YWHAQ: variants seen among roughly 807,000 people sequenced by gnomAD.
YWHAQ encodes tyrosine 3-monooxygenase/tryptophan 5-monooxygenase activation protein theta, also known as 14-3-3 protein theta.
Under a neutral mutation model 28.3 loss-of-function variants are expected in YWHAQ, and 6 were observed. The ratio of observed to expected loss-of-function variants is 0.21; its 90% CI spans 0.12 to 0.42. YWHAQ has a LOEUF of 0.42. Among genes scored for constraint, YWHAQ ranks in the 10% least tolerant of loss-of-function variants. The pLI is 1.00. For synonymous variants in YWHAQ, 143 were observed against 119.1 expected (o/e 1.20, Z -1.31); for missense variants, 201 against 305.6 (o/e 0.66, Z 2.55).
At chr2:9,629,165 G>A (rs968421457) in intron 2 of YWHAQ, among the ~76,000 whole-genome samples, 1 of 152,022 alleles carries the variant, frequency 6.6e-6, no homozygotes, top group African/African-American at 2.4e-5. Flanking sequence ...CCTAAAATAT[G>A]ATGTGCACAA....
At chr2:9,617,929 A>AG (rs1667067362) in intron 2 of YWHAQ, among the ~76,000 whole-genome samples, 1 of 151,592 alleles carries the variant, frequency 6.6e-6, no homozygotes, top group African/African-American at 2.4e-5. Flanking sequence ...CCTCTGCCAA[A>AG]AAAAAAAAAA....
Position 9,588,317 on chromosome 2 carries a change from T to G in YWHAQ, c.430A>C (p.Asn144His). 2.5e-6 allele frequency: 4 copies of G among 1,608,716 alleles called. No homozygotes were observed. The East Asian group carries it at 8.9e-5, about 36-fold the overall frequency. The change falls in exon 4 of 6, where the codon AAT (asparagine) becomes CAT (histidine). Residue 144 changes from asparagine (N) to histidine (H), a missense_variant. By Grantham distance (68) the Asn-to-His change is moderately conservative. Coordinates refer to ENST00000238081, the MANE Select transcript of YWHAQ (RefSeq NM_006826.4). The stretch of plus-strand genomic sequence containing the variant: ...GCCTCTTGGTAAGCTCCTTGGGAAT[T>G]ATCTATCGTTTCTGTGAAGAGCGAA... ...CGDDRKQTIDNSQGAYQEAFD... is the reference protein window; with the variant it reads ...CGDDRKQTIDHSQGAYQEAFD...
At chr2:9,591,340 C>T (rs1666451263) in intron 3 of YWHAQ, 52 bp downstream of exon 3, 2 of 1,579,036 alleles carry the variant, frequency 1.3e-6, no homozygotes, top group East Asian at 4.5e-5. Context: ...CCCATTTATC[C>T]CCATTTCTTT....
rs570533349 is a variant in YWHAQ at position 9,585,675 on chromosome 2, A to G, written c.679-330T>C. Among the ~76,000 whole-genome samples the G allele has an allele frequency of 4.6e-5, 7 of 152,320 alleles. No homozygotes were observed. The South Asian group carries it at 1.4e-3, about 32-fold the overall frequency. ...GTAATCTCAGCACGTAGGGAGGCCAAGATGAGAAGATCGCATGAGGCCAGG... is the reference window on the plus strand; with the variant it reads ...GTAATCTCAGCACGTAGGGAGGCCAGGATGAGAAGATCGCATGAGGCCAGG... On this transcript the variant is annotated intron_variant, in intron 5 of 5. Coordinates refer to ENST00000238081, the MANE Select transcript of YWHAQ (RefSeq NM_006826.4).
chr2:9,593,997 ACACG>A (rs1553372635), intron 2 of YWHAQ, among the ~76,000 whole-genome samples: 21 of 150,486 alleles, frequency 1.4e-4, no homozygotes, highest in African/African-American at 2.2e-4. Context: ...ACACACACAC[ACACG>A]CACGCACAAA....
At chr2:9,604,803 G>A (rs1666785141) in intron 2 of YWHAQ, among the ~76,000 whole-genome samples, 1 of 152,146 alleles carries the variant, frequency 6.6e-6, no homozygotes, top group South Asian at 2.1e-4. Flanking sequence ...AAATTCTCCA[G>A]TTTTAAGAAT....
At chr2:9,612,910 C>T (rs1181360995) in intron 2 of YWHAQ, among the ~76,000 whole-genome samples, 2 of 152,204 alleles carry the variant, frequency 1.3e-5, no homozygotes, top group Non-Finnish European at 2.9e-5. Context: ...ACTCAATCTT[C>T]TAGTGGTAAT....
chr2:9,625,744 A>G (rs1667236582), intron 2 of YWHAQ, among the ~76,000 whole-genome samples: 1 of 152,226 alleles, frequency 6.6e-6, no homozygotes, highest in Non-Finnish European at 1.5e-5. Context: ...AATACCTGGT[A>G]AATGTTAATT....
chr2:9,595,060 G>A (rs1412027180), intron 2 of YWHAQ, among the ~76,000 whole-genome samples: 2 of 152,208 alleles, frequency 1.3e-5, no homozygotes, highest in Admixed American at 1.3e-4. Flanking sequence ...CTTTTACAAA[G>A]TGACTTGGGC....
At chr2:9,623,414 A>G (rs1489352831) in intron 2 of YWHAQ, among the ~76,000 whole-genome samples, 1 of 152,246 alleles carries the variant, frequency 6.6e-6, no homozygotes, top group Non-Finnish European at 1.5e-5. Context: ...AAAGCATGCA[A>G]CAACGATCTT....
chr2:9,603,327 T>A (rs976496796), intron 2 of YWHAQ, among the ~76,000 whole-genome samples: 2 of 150,836 alleles, frequency 1.3e-5, no homozygotes, highest in African/African-American at 4.9e-5. Flanking sequence ...TGAAGTGCAG[T>A]GACACGATCT....
At chr2:9,625,232 A>T (rs1227247410) in intron 2 of YWHAQ, among the ~76,000 whole-genome samples, 3 of 150,644 alleles carry the variant, frequency 2.0e-5, no homozygotes, top group Non-Finnish European at 4.4e-5. Context: ...ACTGTACCCC[A>T]GCCTGGGTGG....
intron 2 of YWHAQ, among the ~76,000 whole-genome samples, chr2:9,593,365 C>T (rs1411903450): frequency 1.3e-5 from 2 of 151,648 alleles, no homozygotes; most frequent in Non-Finnish European, 2.9e-5. Context: ...CACACCACCA[C>T]GCCCAGCTTA....
chr2:9,597,983 C>CTTTTTTTTTTT (rs1558543507), intron 2 of YWHAQ, among the ~76,000 whole-genome samples: 3 of 79,086 alleles, frequency 3.8e-5, no homozygotes, highest in African/African-American at 2.5e-4. Flanking sequence ...CCATGCCGGG[C>CTTTTTTTTTTT]TATTTTTTTT....
intron 2 of YWHAQ, among the ~76,000 whole-genome samples, chr2:9,601,368 A>G (rs1187580233): frequency 6.6e-6 from 1 of 152,188 alleles, no homozygotes; most frequent in Non-Finnish European, 1.5e-5. Context: ...AGGCTGAGGC[A>G]GAACTGCTTG....
Position 9,630,460 on chromosome 2 carries a change from G to A in YWHAQ, c.-8C>T. 3 of 1,575,674 alleles carry A rather than the reference G, an allele frequency of 1.9e-6. No homozygotes were observed. The highest frequency in any genetic ancestry group is 2.6e-6 in the Non-Finnish European group (3 of 1,161,784). ...CAGCTCAGTCTTCTCCATGGCGGGC[G>A]CGGGGCCGGGGCCGGGGCGGAGGGC... is the stretch of plus-strand genomic sequence containing the variant. On this transcript the variant is annotated 5_prime_UTR_variant, in exon 2 of 6. Coordinates refer to ENST00000238081, the MANE Select transcript of YWHAQ (RefSeq NM_006826.4). The surrounding 1 kb of genome is among the most constrained non-coding windows in gnomAD (Gnocchi z 5.6).
At chr2:9,586,815 A>G (rs1041215790) in intron 5 of YWHAQ, among the ~76,000 whole-genome samples, 2 of 152,212 alleles carry the variant, frequency 1.3e-5, no homozygotes, top group African/African-American at 4.8e-5. Flanking sequence ...GATTTTACCT[A>G]TCAAATTTAC....
At chr2:9,612,540 A>C (rs566371798) in intron 2 of YWHAQ, among the ~76,000 whole-genome samples, 6 of 152,326 alleles carry the variant, frequency 3.9e-5, no homozygotes, top group Admixed American at 2.6e-4. Flanking sequence ...ACACAAAAGG[A>C]GTTGGGAAGC....
At chr2:9,620,582 GATT>G (rs1387862937) in intron 2 of YWHAQ, 1 of 152,174 alleles carries the variant, frequency 6.6e-6, no homozygotes, top group Admixed American at 6.5e-5. Flanking sequence ...CAAGTTAAGA[GATT>G]ATTAACTTCA....
Sources: allele counts gnomAD v4.1 joint callset (sites outside exome capture counted in the v4.1 genomes callset), GRCh38; gene constraint gnomAD v4.1.1; non-coding constraint Gnocchi (gnomAD v3.1); transcripts MANE v1.5; gene names NCBI Gene and HGNC (gene_info 2026-07-23, HGNC 2026-07-21).